The following DNAJC13 variants were observed in gnomAD, a reference collection of about 807,000 sequenced individuals.
DNAJC13 encodes dnaJ homolog subfamily C member 13.
Under a neutral mutation model 290.5 loss-of-function variants are expected in DNAJC13, and 75 were observed. That is an observed-to-expected ratio of 0.26 (90% CI 0.21 to 0.31). The LOEUF (loss-of-function observed/expected upper bound fraction) is 0.31, where lower values mean the gene tolerates loss of function less well. Among genes scored for constraint, DNAJC13 ranks in the 10% least tolerant of loss-of-function variants. DNAJC13 has a pLI of 1.00. For missense variants in DNAJC13, 2,260 were observed against 2,674.5 expected, an observed-to-expected ratio of 0.85 and a Z score of 3.42; for synonymous variants, 862 against 892.0, an observed-to-expected ratio of 0.97 and a Z score of 0.60.
chr3:132,459,217 A>G (rs900293611), intron 13 of DNAJC13, among the ~76,000 whole-genome samples: 8 of 152,252 alleles, frequency 5.3e-5, no homozygotes, highest in African/African-American at 7.2e-5. Flanking sequence ...AGTTTATACA[A>G]TTAACCATAG....
Position 132,538,596 on chromosome 3 carries a change from T to C in DNAJC13, c.*314T>C, listed in dbSNP as rs1345913416. The C allele has an allele frequency of 5.2e-6, 1 of 190,690 alleles. No homozygotes were observed. The highest frequency in any genetic ancestry group is 6.1e-5 in the Admixed American group (1 of 16,464). The allele number at this position is 190,690 out of a possible 1,614,324, so 11.8% of individuals were successfully genotyped here. On this transcript the variant is annotated 3_prime_UTR_variant, in exon 56 of 56. Coordinates refer to ENST00000260818, the MANE Select transcript of DNAJC13 (RefSeq NM_015268.4). ...GACAAAACTTTCTTCCTAGTTTTTG[T>C]AATTTTTTTTTTGAACTAGCATGAC...
In DNAJC13 at chr3:132,423,083, T is replaced by G. The variant is rs150362964; in HGVS notation, c.-14+5323T>G. ...CACTTGGAAGGCTGAGGCGGGAGGATCACTCGAGGCCAGGAGCTCCAACCT... is the reference window on the plus strand; with the variant it reads ...CACTTGGAAGGCTGAGGCGGGAGGAGCACTCGAGGCCAGGAGCTCCAACCT... On this transcript the variant is annotated intron_variant, in intron 1 of 55. Transcript: ENST00000260818. Among the ~76,000 whole-genome samples, 384 of 152,216 alleles carry G rather than the reference T, an allele frequency of 2.5e-3. 1 individual carries two copies. Among genetic ancestry groups the G allele is most frequent in the African/African-American group, 9.0e-3 (372 of 41,532 alleles).
intron 2 of DNAJC13, among the ~76,000 whole-genome samples, chr3:132,434,914 G>A (rs1444399821): frequency 6.6e-6 from 1 of 152,146 alleles, no homozygotes; most frequent in Non-Finnish European, 1.5e-5. Context: ...AGGTTATATA[G>A]TAGTAGCAGA....
At chr3:132,526,357 A>T in intron 53 of DNAJC13, 76 bp downstream of exon 53, 1 of 1,569,472 alleles carries the variant, frequency 6.4e-7, no homozygotes, top group South Asian at 1.2e-5. Context: ...TTTGGTACTG[A>T]TTTGGTTTCC....
intron 21 of DNAJC13, among the ~76,000 whole-genome samples, chr3:132,473,429 G>C (rs565851449): frequency 6.6e-6 from 1 of 152,094 alleles, no homozygotes; most frequent in Non-Finnish European, 1.5e-5. Flanking sequence ...ATAGTCTGAG[G>C]AACTAAAATT....
chr3:132,514,315 G>A (rs1935858968), intron 45 of DNAJC13, among the ~76,000 whole-genome samples: 1 of 152,054 alleles, frequency 6.6e-6, no homozygotes, highest in African/African-American at 2.4e-5. Context: ...TCCAAACTCT[G>A]TAATTGGAAA....
chr3:132,523,656 A>G lies in DNAJC13; in HGVS notation c.6003A>G (p.Glu2001=), dbSNP rs780592234. The change falls in exon 51 of 56, where the codon GAA becomes GAG. Residue 2001 remains glutamate, a synonymous_variant. Transcript: ENST00000260818. ...CCTGGGTTCTAAGAAAGCCTAGAGA[A>G]TTTCTTATTGCCCTGTTAGAAAAAT... The part of the protein sequence containing the change: ...QPAWVLRKPR[E]FLIALLEKLT... 1.9e-6 allele frequency: 3 copies of G among 1,613,942 alleles called. No homozygotes were observed. Among genetic ancestry groups the G allele is most frequent in the African/African-American group, 2.7e-5 (2 of 74,934 alleles).
At chr3:132,430,318 A>T (rs1186045086) in intron 1 of DNAJC13, among the ~76,000 whole-genome samples, 1 of 151,862 alleles carries the variant, frequency 6.6e-6, no homozygotes, top group East Asian at 1.9e-4. Context: ...TTTTTAAATT[A>T]TTTAAAAAAT....
intron 48 of DNAJC13, among the ~76,000 whole-genome samples, chr3:132,517,277 T>C (rs1935948235): frequency 6.6e-6 from 1 of 152,214 alleles, no homozygotes; most frequent in Non-Finnish European, 1.5e-5. Context: ...CTTCCAACTC[T>C]GCAGGGAGAT....
At chr3:132,452,260 C>G (rs550330672) in intron 6 of DNAJC13, among the ~76,000 whole-genome samples, 11 of 152,320 alleles carry the variant, frequency 7.2e-5, no homozygotes, top group Admixed American at 6.5e-4. Flanking sequence ...AAGAAGTTTT[C>G]ATTTGAATTA....
rs16839289 is a variant in DNAJC13, at chr3:132,487,001, G to A, written c.3268-1297G>A. ...GTGTGGGTGTTTGCCACTAATTTCCGTAATGTCAAGTCTTGAACTACTGCC... is the reference window on the plus strand; with the variant it reads ...GTGTGGGTGTTTGCCACTAATTTCCATAATGTCAAGTCTTGAACTACTGCC... On this transcript the variant is annotated intron_variant, in intron 29 of 55. Transcript: ENST00000260818. 3.7e-3 allele frequency among the ~76,000 whole-genome samples: 561 copies of A among 151,988 alleles called. 6 individuals are homozygous for A. The highest frequency in any genetic ancestry group is 0.017 in the East Asian group (89 of 5,166).
chr3:132,505,512 A>C, intron 42 of DNAJC13, 97 bp downstream of exon 42: 4 of 785,842 alleles, frequency 5.1e-6, no homozygotes, highest in Non-Finnish European at 6.2e-6. Context: ...ACTACTTCTC[A>C]CTTTAGTGTC....
At chr3:132,419,635 T>G (rs1938898946) in intron 1 of DNAJC13, among the ~76,000 whole-genome samples, 1 of 152,202 alleles carries the variant, frequency 6.6e-6, no homozygotes, top group Non-Finnish European at 1.5e-5. Flanking sequence ...CAGGTGAATA[T>G]GAGGTTTCTG....
chr3:132,452,155 C>T (rs564317095), intron 6 of DNAJC13, among the ~76,000 whole-genome samples: 1 of 152,274 alleles, frequency 6.6e-6, no homozygotes, highest in South Asian at 2.1e-4. Flanking sequence ...AGTAATTCAA[C>T]CAAGCCATAA....
intron 1 of DNAJC13, among the ~76,000 whole-genome samples, chr3:132,420,647 C>T (rs772304530): frequency 3.3e-5 from 5 of 151,536 alleles, no homozygotes; most frequent in Non-Finnish European, 7.4e-5. Context: ...AGAGGCACAA[C>T]ACAAAGAATC....
chr3:132,523,293 T>G (rs1178218048), intron 50 of DNAJC13, 94 bp downstream of exon 50: 1 of 1,414,046 alleles, frequency 7.1e-7, no homozygotes, highest in Non-Finnish European at 9.9e-7. Context: ...ATAACTACTT[T>G]GTCATCAAGA....
intron 54 of DNAJC13, among the ~76,000 whole-genome samples, chr3:132,529,389 C>A (rs535527056): frequency 6.6e-6 from 1 of 152,298 alleles, no homozygotes; most frequent in Non-Finnish European, 1.5e-5. Context: ...TAATTGACTT[C>A]AGCTACAGCT....
intron 43 of DNAJC13, 106 bp downstream of exon 43, chr3:132,507,459 T>C (rs1935632219): frequency 5.5e-6 from 4 of 729,500 alleles, no homozygotes; most frequent in East Asian, 5.3e-5. Flanking sequence ...TATTGCACTT[T>C]CTTTACTGTG....
chr3:132,466,229 A>G, intron 18 of DNAJC13, 70 bp from the exon 19 acceptor site: 1 of 1,503,254 alleles, frequency 6.7e-7, no homozygotes, highest in Non-Finnish European at 9.0e-7. Context: ...CCACAGTATT[A>G]ATTTATTTGG....
Sources: allele counts gnomAD v4.1 joint callset (sites outside exome capture counted in the v4.1 genomes callset), GRCh38; gene constraint gnomAD v4.1.1; transcripts MANE v1.5; gene names NCBI Gene and HGNC (gene_info 2026-07-23, HGNC 2026-07-21).